The following TFCP2 variants were observed in gnomAD, a reference collection of about 807,000 sequenced individuals.
TFCP2 encodes the protein transcription factor CP2, also known as alpha-globin transcription factor CP2.
Under a neutral mutation model 73.4 loss-of-function variants are expected in TFCP2, and 33 were observed. The ratio of observed to expected loss-of-function variants is 0.45; its 90% CI spans 0.34 to 0.60. TFCP2 has a LOEUF of 0.60. Among genes scored for constraint, TFCP2 ranks in the 20% least tolerant of loss-of-function variants. The pLI is 0.01. For synonymous variants in TFCP2, 193 were observed against 211.6 expected (o/e 0.91, Z 0.76); for missense variants, 352 against 604.0 (o/e 0.58, Z 4.37).
intron 1 of TFCP2, among the ~76,000 whole-genome samples, chr12:51,151,052 G>T (rs999664603): frequency 2.0e-5 from 3 of 152,168 alleles, no homozygotes; most frequent in African/African-American, 7.2e-5. Flanking sequence ...ACATTAGAAG[G>T]CCTCTCTGAT....
At position 51,095,177 on chromosome 12, in the gene TFCP2, C is replaced by A; in HGVS notation, c.*64G>T. On this transcript the variant is annotated 3_prime_UTR_variant, in exon 15 of 15. Coordinates refer to ENST00000257915, the MANE Select transcript of TFCP2 (RefSeq NM_005653.5). ...CCTTCAAATCTCCATTCATATCCCCCTTCAAGAGGGCCGTTTTCAGAGGTG... is the reference window on the plus strand; with the variant it reads ...CCTTCAAATCTCCATTCATATCCCCATTCAAGAGGGCCGTTTTCAGAGGTG... The A allele has an allele frequency of 6.4e-7, 1 of 1,563,830 alleles. No individual in the cohort carries two copies. The highest frequency in any genetic ancestry group is 8.8e-7 in the Non-Finnish European group (1 of 1,134,274).
intron 1 of TFCP2, among the ~76,000 whole-genome samples, chr12:51,162,680 A>AT (rs969664190): frequency 1.3e-4 from 19 of 151,888 alleles, no homozygotes; most frequent in African/African-American, 3.9e-4. Context: ...CGAAATCCTG[A>AT]TTTTTTTTGT....
In TFCP2 at chr12:51,094,925, C is replaced by A. The variant is rs889937016; in HGVS notation, c.*316G>T. ...TAAGATCTTCCTGTTAAACATCACA[C>A]AATTCCCATCATCATTATGCCCTAC... On this transcript the variant is annotated 3_prime_UTR_variant, in exon 15 of 15. Transcript: ENST00000257915. The A allele has an allele frequency of 1.6e-5, 5 of 321,118 alleles. No individual in the cohort carries two copies. Among genetic ancestry groups the A allele is most frequent in the Non-Finnish European group, 2.9e-5 (5 of 174,186 alleles). 19.9% of individuals were successfully genotyped at this position (321,118 alleles called of 1,614,324 possible).
intron 1 of TFCP2, among the ~76,000 whole-genome samples, chr12:51,130,471 C>CA (rs35709772): frequency 0.18 from 25,748 of 143,018 alleles, 2,413 homozygotes; most frequent in South Asian, 0.3. Flanking sequence ...GACTCCGTCT[C>CA]AAAAAAAAAA....
intron 1 of TFCP2, among the ~76,000 whole-genome samples, chr12:51,169,678 G>C (rs558322483): frequency 3.9e-5 from 6 of 152,130 alleles, no homozygotes; most frequent in Non-Finnish European, 5.9e-5. Context: ...AGCCGAGATG[G>C]TGCCACTGCA....
At chr12:51,149,976 C>T (rs1253350779) in intron 1 of TFCP2, among the ~76,000 whole-genome samples, 2 of 152,152 alleles carry the variant, frequency 1.3e-5, no homozygotes, top group Admixed American at 6.6e-5. Flanking sequence ...CTCTAGGCAG[C>T]TTAAGATACA....
At chr12:51,152,276 A>G (rs1941445432) in intron 1 of TFCP2, among the ~76,000 whole-genome samples, 1 of 152,220 alleles carries the variant, frequency 6.6e-6, no homozygotes, top group Non-Finnish European at 1.5e-5. Flanking sequence ...ACAACAGACA[A>G]AAACAAATTG....
intron 1 of TFCP2, among the ~76,000 whole-genome samples, chr12:51,134,693 C>A (rs547005473): frequency 2.9e-4 from 44 of 152,262 alleles, no homozygotes; most frequent in African/African-American, 1.1e-3. Flanking sequence ...CCAATTAAAT[C>A]AAGTTTATTT....
chr12:51,111,784 G>T (rs1341049383), intron 4 of TFCP2, among the ~76,000 whole-genome samples: 1 of 152,032 alleles, frequency 6.6e-6, no homozygotes, highest in Non-Finnish European at 1.5e-5. Context: ...AACCTGGGAG[G>T]TGGAGGTTGC....
At chr12:51,112,123 T>A (rs1418918361) in intron 4 of TFCP2, among the ~76,000 whole-genome samples, 1 of 151,494 alleles carries the variant, frequency 6.6e-6, no homozygotes, top group Non-Finnish European at 1.5e-5. Flanking sequence ...TGCGCCACTG[T>A]GCTCCAGCCT....
intron 1 of TFCP2, among the ~76,000 whole-genome samples, chr12:51,151,072 T>C (rs74795156): frequency 0.021 from 3,199 of 152,240 alleles, 43 homozygotes; most frequent in Non-Finnish European, 0.031. Context: ...TAAAAAGACA[T>C]GTGAGCAGAA....
intron 1 of TFCP2, among the ~76,000 whole-genome samples, chr12:51,164,792 C>T (rs774397464): frequency 6.6e-6 from 1 of 151,602 alleles, no homozygotes; most frequent in Non-Finnish European, 1.5e-5. Flanking sequence ...ATAAAAGAGA[C>T]AAATTTTTAG....
intron 1 of TFCP2, among the ~76,000 whole-genome samples, chr12:51,153,479 G>A (rs1272849236): frequency 6.6e-6 from 1 of 151,766 alleles, no homozygotes; most frequent in African/African-American, 2.4e-5. Context: ...ACACGTCAGT[G>A]CTATTAAGTA....
intron 1 of TFCP2, among the ~76,000 whole-genome samples, chr12:51,144,332 C>A (rs1349142694): frequency 6.6e-6 from 1 of 152,104 alleles, no homozygotes; most frequent in Non-Finnish European, 1.5e-5. Flanking sequence ...CTGCACCCAG[C>A]CATTCTAAAA....
intron 1 of TFCP2, 36 bp downstream of exon 1, chr12:51,172,265 T>C (rs372988925): frequency 6.2e-7 from 1 of 1,610,872 alleles, no homozygotes; most frequent in Non-Finnish European, 8.5e-7. Flanking sequence ...GCCTTTGTTA[T>C]TCAGAAGGTG....
chr12:51,130,975 G>A (rs1940930756), intron 1 of TFCP2, among the ~76,000 whole-genome samples: 2 of 143,272 alleles, frequency 1.4e-5, no homozygotes, highest in African/African-American at 2.6e-5. Flanking sequence ...GTGACAGAAT[G>A]AGACTCCATC....
At chr12:51,171,946 T>C (rs1941871426) in intron 1 of TFCP2, among the ~76,000 whole-genome samples, 1 of 152,138 alleles carries the variant, frequency 6.6e-6, no homozygotes, top group African/African-American at 2.4e-5. Context: ...CTAGATACCA[T>C]TCCTATGCTA....
chr12:51,109,256 T>C lies in TFCP2; in HGVS notation c.582A>G (p.Thr194=), dbSNP rs1281591050. The C allele has an allele frequency of 1.2e-6, 2 of 1,614,086 alleles. No individual in the cohort carries two copies. The highest frequency in any genetic ancestry group is 1.6e-4 in the Middle Eastern group (1 of 6,084). Residue 194 remains threonine (T), a synonymous_variant, in exon 6 of 15, where the codon ACA becomes ACG. Transcript: ENST00000257915. The part of the protein sequence containing the change: ...SVFIQVHCIS[T]EFTMRKHGGE... The stretch of plus-strand genomic sequence containing the variant: ...CACCATGTTTCCTCATAGTGAACTC[T>C]GTGCTAATACAGTGCACCTGAAAAG...
At chr12:51,148,710 A>AAAAAG (rs1555254960) in intron 1 of TFCP2, among the ~76,000 whole-genome samples, 4 of 149,504 alleles carry the variant, frequency 2.7e-5, no homozygotes, top group Admixed American at 6.7e-5. Context: ...AAAAAAAAAA[A>AAAAAG]AAAAAGAAAA....
Sources: gnomAD v4.1 joint callset for allele counts (sites outside exome capture counted in the v4.1 genomes callset) on GRCh38, gnomAD v4.1.1 for gene constraint, MANE v1.5 for transcripts, NCBI Gene and HGNC (gene_info 2026-07-23, HGNC 2026-07-21) for gene names.